DLG2: variants seen among roughly 807,000 people sequenced by gnomAD.
The protein encoded by DLG2 is disks large homolog 2.
Under a neutral mutation model 132.5 loss-of-function variants are expected in DLG2, and 45 were observed. The observed-to-expected ratio is 0.34, with a 90% CI of 0.27 to 0.44. The LOEUF (loss-of-function observed/expected upper bound fraction) is 0.44. Ranked by LOEUF, DLG2 falls within the 20% of genes least tolerant of loss-of-function variation. The pLI, the probability that DLG2 is intolerant of heterozygous loss-of-function variation, is 1.00. For synonymous variants in DLG2, 424 were observed against 419.6 expected (o/e 1.01, Z -0.13); for missense variants, 1,045 against 1,196.9 (o/e 0.87, Z 1.87).
chr11:84,120,935 T>C (rs554906962), intron 9 of DLG2, among the ~76,000 whole-genome samples: 3 of 152,346 alleles, frequency 2.0e-5, no homozygotes, highest in South Asian at 4.1e-4. Context: ...AGAATATGTA[T>C]ATAAACATGC....
chr11:84,297,049 A>G (rs1275035923), intron 7 of DLG2, among the ~76,000 whole-genome samples: 1 of 151,814 alleles, frequency 6.6e-6, no homozygotes, highest in Non-Finnish European at 1.5e-5. Context: ...TACTCTCCCA[A>G]TTTCCAACTT....
intron 6 of DLG2, among the ~76,000 whole-genome samples, chr11:84,674,463 T>A (rs1178554588): frequency 6.6e-6 from 1 of 152,070 alleles, no homozygotes; most frequent in Non-Finnish European, 1.5e-5. Context: ...AAATTAGTGA[T>A]CCTCTATCCT....
At chr11:84,708,567 A>G (rs2060027632) in intron 6 of DLG2, among the ~76,000 whole-genome samples, 1 of 151,808 alleles carries the variant, frequency 6.6e-6, no homozygotes, top group African/African-American at 2.4e-5. Context: ...TTTTCAAGAT[A>G]AAAATTTTAA....
chr11:84,535,210 A>G (rs975515914), intron 6 of DLG2, among the ~76,000 whole-genome samples: 1 of 152,242 alleles, frequency 6.6e-6, no homozygotes, highest in Non-Finnish European at 1.5e-5. Flanking sequence ...TCCTTTTGAA[A>G]TGAGGAAAAA....
intron 7 of DLG2, among the ~76,000 whole-genome samples, chr11:84,475,608 G>T (rs1419235888): frequency 6.6e-6 from 1 of 152,118 alleles, no homozygotes; most frequent in Admixed American, 6.6e-5. Context: ...TTGGTAGCTT[G>T]TGGGAGTATT....
intron 4 of DLG2, among the ~76,000 whole-genome samples, chr11:85,189,836 C>A (rs569769572): frequency 2.5e-4 from 38 of 152,086 alleles, no homozygotes; most frequent in Middle Eastern, 6.8e-3. Flanking sequence ...CTCATTCTCA[C>A]CCAGACTGGA....
intron 18 of DLG2, among the ~76,000 whole-genome samples, chr11:83,767,762 T>C (rs1309686411): frequency 6.6e-6 from 1 of 151,504 alleles, no homozygotes; most frequent in African/African-American, 2.4e-5. Flanking sequence ...ACTTTTTTTT[T>C]CATTATTTTA....
At position 84,796,842 on chromosome 11, in the gene DLG2, TATTTA is replaced by T. The variant is rs2074690996; in HGVS notation, c.358-262116_358-262112del. ...TGATTTTTTATTTTTTATTATATTTTATTTATTTATTTATTTATTTAGAGACAGAG... is the reference window on the plus strand; with the variant it reads ...TGATTTTTTATTTTTTATTATATTTTTTTATTTATTTATTTAGAGACAGAG... On this transcript the variant is annotated intron_variant, in intron 6 of 27. Transcript: ENST00000376104. Among the ~76,000 whole-genome samples, 3 of 151,054 alleles carry T rather than the reference TATTTA, an allele frequency of 2.0e-5. No homozygotes were observed. In the South Asian group the frequency reaches 6.2e-4, roughly 31 times the overall value.
At position 83,917,136 on chromosome 11, in the gene DLG2, CA is replaced by C. The variant is rs370217989; in HGVS notation, c.1496+13191del. 2.6e-4 allele frequency among the ~76,000 whole-genome samples: 40 copies of C among 152,260 alleles called. No individual in the cohort carries two copies. In the East Asian group the frequency reaches 7.0e-3, roughly 27 times the overall value. ...TGGTAGAAGGAACTTCAGAGAAAGGCAATGACAATTACCCTCACCTTGCCAA... is the reference window on the plus strand; with the variant it reads ...TGGTAGAAGGAACTTCAGAGAAAGGCATGACAATTACCCTCACCTTGCCAA... On this transcript the variant is annotated intron_variant, in intron 15 of 27. Coordinates refer to ENST00000376104, the MANE Select transcript of DLG2 (RefSeq NM_001142699.3).
At chr11:84,139,108 T>C (rs895276841) in intron 9 of DLG2, among the ~76,000 whole-genome samples, 1 of 152,170 alleles carries the variant, frequency 6.6e-6, no homozygotes, top group Admixed American at 6.5e-5. Flanking sequence ...TCAAGTCTAG[T>C]TGACATTTTA....
intron 22 of DLG2, among the ~76,000 whole-genome samples, chr11:83,478,705 G>GAT (rs1476650801): frequency 2.6e-5 from 4 of 152,044 alleles, no homozygotes. Flanking sequence ...AGAACTGAAA[G>GAT]ATAAAGCATG....
intron 11 of DLG2, among the ~76,000 whole-genome samples, chr11:84,022,766 A>G (rs1322305972): frequency 6.6e-6 from 1 of 152,050 alleles, no homozygotes; most frequent in Non-Finnish European, 1.5e-5. Context: ...TGGGAAGTAG[A>G]CTGCAAAACA....
intron 18 of DLG2, among the ~76,000 whole-genome samples, chr11:83,754,895 T>C (rs2093585703): frequency 6.6e-6 from 1 of 151,496 alleles, no homozygotes; most frequent in Non-Finnish European, 1.5e-5. Context: ...TATTCTAATT[T>C]CTATAATCGC....
At chr11:84,844,684 T>C (rs187710540) in intron 6 of DLG2, among the ~76,000 whole-genome samples, 4 of 152,236 alleles carry the variant, frequency 2.6e-5, no homozygotes, top group East Asian at 3.9e-4. Context: ...TAAATTAAAT[T>C]TGGAAGTAGA....
chr11:83,683,707 C>T (rs138158252), intron 18 of DLG2, among the ~76,000 whole-genome samples: 72 of 152,262 alleles, frequency 4.7e-4, no homozygotes, highest in African/African-American at 1.7e-3. Context: ...AAATGGTTCT[C>T]ATTCCTGCCG....
chr11:83,923,699 GT>G (rs1028263217), intron 15 of DLG2, among the ~76,000 whole-genome samples: 3 of 152,090 alleles, frequency 2.0e-5, no homozygotes, highest in Non-Finnish European at 4.4e-5. Context: ...TTAATAAATA[GT>G]TCTGAATCCA....
intron 6 of DLG2, among the ~76,000 whole-genome samples, chr11:84,549,723 A>G (rs2099397856): frequency 6.6e-6 from 1 of 152,114 alleles, no homozygotes; most frequent in Non-Finnish European, 1.5e-5. Flanking sequence ...ACAGGTGCTT[A>G]GGAAATATAA....
intron 3 of DLG2, among the ~76,000 whole-genome samples, chr11:85,478,029 G>C (rs542057542): frequency 1.3e-5 from 2 of 150,900 alleles, no homozygotes; most frequent in Admixed American, 6.6e-5. Context: ...TTTTTTAAGA[G>C]ACAGCTTTCG....
intron 9 of DLG2, among the ~76,000 whole-genome samples, chr11:84,126,153 T>G: frequency 6.6e-6 from 1 of 152,018 alleles, no homozygotes; most frequent in Admixed American, 6.6e-5. Context: ...TGCAGGGTGG[T>G]TTGTGGAGTG....
Sources: gnomAD v4.1 joint callset for allele counts (sites outside exome capture counted in the v4.1 genomes callset) on GRCh38, gnomAD v4.1.1 for gene constraint, MANE v1.5 for transcripts, NCBI Gene and HGNC (gene_info 2026-07-23, HGNC 2026-07-21) for gene names.